PTK2: variants seen among roughly 807,000 people sequenced by gnomAD.
PTK2 encodes protein tyrosine kinase 2, also known as focal adhesion kinase 1.
PTK2 carries 45 observed loss-of-function variants against 150.1 expected under a neutral mutation model. The ratio of observed to expected loss-of-function variants is 0.30; its 90% CI spans 0.24 to 0.38. The LOEUF is 0.38. Ranked by LOEUF, PTK2 falls within the 10% of genes least tolerant of loss-of-function variation. The pLI is 1.00. For missense variants in PTK2, 919 were observed against 1,307.3 expected (o/e 0.70, Z 4.58); for synonymous variants, 432 against 449.2 (o/e 0.96, Z 0.48).
chr8:140,813,463 G>A (rs192836713), intron 10 of PTK2, among the ~76,000 whole-genome samples: 27 of 150,720 alleles, frequency 1.8e-4, no homozygotes, highest in African/African-American at 4.9e-4. Context: ...AGCACAGCAC[G>A]GCCAAGTTAA....
chr8:140,717,023 T>A (rs922019225), intron 23 of PTK2, among the ~76,000 whole-genome samples: 2 of 152,144 alleles, frequency 1.3e-5, no homozygotes, highest in African/African-American at 4.8e-5. Context: ...CAGTAAAGGA[T>A]AAGAACATAA....
intron 21 of PTK2, among the ~76,000 whole-genome samples, chr8:140,737,532 A>C (rs2100053291): frequency 6.6e-6 from 1 of 152,252 alleles, no homozygotes; most frequent in Non-Finnish European, 1.5e-5. Flanking sequence ...AAAAGGGAGG[A>C]GAATGTTGAA....
intron 3 of PTK2, among the ~76,000 whole-genome samples, chr8:140,885,141 G>C (rs1264157821): frequency 6.6e-6 from 1 of 152,184 alleles, no homozygotes; most frequent in Non-Finnish European, 1.5e-5. Flanking sequence ...TCCTTGTAAT[G>C]TCTTTTTAAA....
intron 14 of PTK2, among the ~76,000 whole-genome samples, chr8:140,766,094 A>C (rs889652109): frequency 6.6e-6 from 1 of 152,140 alleles, no homozygotes; most frequent in Non-Finnish European, 1.5e-5. Context: ...GAGCCACTCA[A>C]ACTCTGCACC....
chr8:140,681,583 C>T (rs551514609), intron 27 of PTK2, among the ~76,000 whole-genome samples: 70 of 152,132 alleles, frequency 4.6e-4, no homozygotes, highest in South Asian at 2.1e-3. Flanking sequence ...CGAGACCATC[C>T]CGGCTAACAC....
intron 1 of PTK2, among the ~76,000 whole-genome samples, chr8:140,989,212 TAAAAAAAAAAAAAA>T (rs71310816): frequency 1.7e-5 from 1 of 60,580 alleles, no homozygotes; most frequent in Admixed American, 2.7e-4. Context: ...ACCCTGTCTC[TAAAAAAAAAAAAAA>T]AAAAAAAAAA....
At chr8:140,668,930 A>G (rs1371250622) in intron 29 of PTK2, 4 of 155,094 alleles carry the variant, frequency 2.6e-5, no homozygotes, top group African/African-American at 9.7e-5. Flanking sequence ...CAATTATAAA[A>G]AGCTGACATA....
intron 3 of PTK2, among the ~76,000 whole-genome samples, chr8:140,885,168 GAGATAT>G (rs1339494889): frequency 1.3e-5 from 2 of 152,212 alleles, no homozygotes; most frequent in African/African-American, 4.8e-5. Context: ...GCTAGGTACA[GAGATAT>G]CAGTAAAGTG....
At chr8:140,902,946 T>G (rs1368748303) in intron 2 of PTK2, among the ~76,000 whole-genome samples, 17 of 143,272 alleles carry the variant, frequency 1.2e-4, no homozygotes, top group African/African-American at 3.5e-4. Context: ...TTTTTTTTTT[T>G]TTTTTTTTTT....
intron 1 of PTK2, among the ~76,000 whole-genome samples, chr8:140,960,483 C>G (rs1230589596): frequency 1.3e-5 from 2 of 152,020 alleles, no homozygotes; most frequent in African/African-American, 4.8e-5. Flanking sequence ...GTTGGGATTA[C>G]AGGTATGAGC....
rs545233964 is a variant in PTK2 at position 140,948,339 on chromosome 8, A to G, written c.-121-22590T>C. Among the ~76,000 whole-genome samples the G allele has an allele frequency of 5.9e-5, 9 of 152,318 alleles. No homozygotes were observed. In the East Asian group the frequency reaches 1.7e-3, roughly 29 times the overall value. The stretch of plus-strand genomic sequence containing the variant: ...ATACAAATGTAAAAATCCCAACATA[A>G]AAGAAATAACAAAAACAAAATATGA... On this transcript the variant is annotated intron_variant, in intron 1 of 31. Coordinates refer to ENST00000522684, the Ensembl canonical transcript of PTK2.
At chr8:140,782,770 C>T (rs2100082580) in intron 14 of PTK2, among the ~76,000 whole-genome samples, 1 of 151,884 alleles carries the variant, frequency 6.6e-6, no homozygotes, top group Non-Finnish European at 1.5e-5. Context: ...GAGTGTAAAA[C>T]TAGACAGAAG....
At chr8:140,980,477 C>G (rs572284358) in intron 1 of PTK2, among the ~76,000 whole-genome samples, 39 of 151,984 alleles carry the variant, frequency 2.6e-4, no homozygotes, top group African/African-American at 8.9e-4. Context: ...AAAAAATTAG[C>G]CGGGCATGGT....
chr8:140,785,966 C>T (rs1347297255), intron 14 of PTK2, among the ~76,000 whole-genome samples: 4 of 152,154 alleles, frequency 2.6e-5, no homozygotes, highest in African/African-American at 9.7e-5. Context: ...CTGTTGCTCT[C>T]AATTCATCTG....
intron 1 of PTK2, among the ~76,000 whole-genome samples, chr8:140,933,499 C>T (rs199911370): frequency 3.9e-5 from 6 of 152,154 alleles, no homozygotes; most frequent in South Asian, 2.1e-4. Context: ...GGTTTTGGAA[C>T]GCTAAATCCT....
At chr8:140,714,037 C>T (rs140934144) in intron 23 of PTK2, among the ~76,000 whole-genome samples, 2 of 151,976 alleles carry the variant, frequency 1.3e-5, no homozygotes, top group South Asian at 2.1e-4. Flanking sequence ...CACAGGCACA[C>T]GCCACTAAAT....
At position 140,745,134 on chromosome 8, in the gene PTK2, C is replaced by T. The variant is rs79495416; in HGVS notation, c.1519-367G>A. On this transcript the variant is annotated intron_variant, in intron 18 of 31. Transcript: ENST00000522684. ...AGTTACTATCCAAACAAGGCTAATA[C>T]ACAGTCAGTTATCTCCACTTCAAAC... Among the ~76,000 whole-genome samples, 369 of 152,218 alleles carry T rather than the reference C, an allele frequency of 2.4e-3. 2 individuals are homozygous for T. The highest frequency in any genetic ancestry group is 8.5e-3 in the African/African-American group (354 of 41,516).
At chr8:140,911,250 T>C (rs1037967772) in intron 2 of PTK2, among the ~76,000 whole-genome samples, 1 of 152,098 alleles carries the variant, frequency 6.6e-6, no homozygotes. Context: ...TATTTCATGG[T>C]ATATTGTTTT....
chr8:140,987,677 C>T (rs990547833), intron 1 of PTK2, among the ~76,000 whole-genome samples: 25 of 152,278 alleles, frequency 1.6e-4, no homozygotes, highest in African/African-American at 5.1e-4. Flanking sequence ...TGATGCAGAG[C>T]AACCAGAACT....
Sources: allele counts gnomAD v4.1 joint callset (sites outside exome capture counted in the v4.1 genomes callset), GRCh38; gene constraint gnomAD v4.1.1; transcripts MANE v1.5; gene names NCBI Gene and HGNC (gene_info 2026-07-23, HGNC 2026-07-21).